Variants in MSI2 observed in about 807,000 individuals in gnomAD.
The protein encoded by MSI2 is musashi RNA binding protein 2.
A neutral mutation model predicts 45.6 loss-of-function variants in MSI2; 17 were observed. The observed-to-expected ratio is 0.37, with a 90% confidence interval of 0.26 to 0.56. The LOEUF (loss-of-function observed/expected upper bound fraction) is 0.56, where lower values mean the gene tolerates loss of function less well. Ranked by LOEUF, MSI2 falls within the 20% of genes least tolerant of loss-of-function variation. MSI2 has a pLI of 0.77. For missense variants in MSI2, 293 were observed against 444.2 expected (o/e 0.66, Z 3.06); for synonymous variants, 156 against 158.2 (o/e 0.99, Z 0.11).
intron 5 of MSI2, among the ~76,000 whole-genome samples, chr17:57,271,779 T>C (rs1021989803): frequency 6.7e-6 from 1 of 149,046 alleles, no homozygotes; most frequent in Non-Finnish European, 1.5e-5. Context: ...AGCTGACATA[T>C]TGTAAACGAC....
chr17:57,531,112 T>C (rs1251584888), intron 7 of MSI2, among the ~76,000 whole-genome samples: 3 of 152,080 alleles, frequency 2.0e-5, no homozygotes, highest in Non-Finnish European at 2.9e-5. Flanking sequence ...TGGTGGGCAA[T>C]TGAGGATTAT....
At chr17:57,502,628 T>G (rs1432284689) in intron 6 of MSI2, among the ~76,000 whole-genome samples, 4 of 127,444 alleles carry the variant, frequency 3.1e-5, no homozygotes, top group African/African-American at 1.1e-4. Flanking sequence ...TATATATATA[T>G]ATATATATAG....
chr17:57,616,262 GGTGTGTGTGTGTGCATGCATGTGT>G (rs1266590791), intron 9 of MSI2, 178 bp downstream of exon 9: 8 of 557,804 alleles, frequency 1.4e-5, no homozygotes, highest in Non-Finnish European at 2.6e-5. Flanking sequence ...ATTAAGTGTG[GGTGTGTGTGTGTGCATGCATGTGT>G]GTGTGTGTGT....
At chr17:57,644,064 C>T (rs1193766888) in intron 10 of MSI2, among the ~76,000 whole-genome samples, 2 of 152,236 alleles carry the variant, frequency 1.3e-5, no homozygotes, top group African/African-American at 4.8e-5. Flanking sequence ...CCCAGCACCC[C>T]CTTCCCCAAC....
intron 7 of MSI2, among the ~76,000 whole-genome samples, chr17:57,575,967 A>AGAAAAAAT (rs1459516741): frequency 2.0e-5 from 3 of 151,236 alleles, no homozygotes; most frequent in Non-Finnish European, 4.4e-5. Context: ...AAAAAAAAAA[A>AGAAAAAAT]AAAATTGGAA....
At chr17:57,374,982 C>A (rs1301128700) in intron 5 of MSI2, among the ~76,000 whole-genome samples, 4 of 152,160 alleles carry the variant, frequency 2.6e-5, no homozygotes, top group African/African-American at 9.7e-5. Context: ...CCTGAACATT[C>A]CCCATACAGA....
At chr17:57,429,735 TA>T (rs61548525) in intron 6 of MSI2, among the ~76,000 whole-genome samples, 7,086 of 147,456 alleles carry the variant, frequency 0.048, 472 homozygotes, top group African/African-American at 0.15. Context: ...ATTAGATAAT[TA>T]AAAAAAAAAA....
chr17:57,519,349 G>A (rs1395318567), intron 6 of MSI2, among the ~76,000 whole-genome samples: 2 of 152,116 alleles, frequency 1.3e-5, no homozygotes, highest in African/African-American at 4.8e-5. Flanking sequence ...TGTGTGGTAG[G>A]CGCTCACTGG....
At chr17:57,402,769 A>C (rs1802410422) in intron 6 of MSI2, among the ~76,000 whole-genome samples, 1 of 152,162 alleles carries the variant, frequency 6.6e-6, no homozygotes, top group South Asian at 2.1e-4. Flanking sequence ...TTGCATTCTG[A>C]GTGGCTCTGA....
Position 57,345,482 on chromosome 17 carries a change from A to G in MSI2, c.313-55897A>G, listed in dbSNP as rs192602441. ...GTATATTTTCTTATTTCCCCTTCTT[A>G]TATAAGAGGTAGTGTAGCATATACT... On this transcript the variant is annotated intron_variant, in intron 5 of 13. Transcript: ENST00000284073. 1.5e-3 allele frequency among the ~76,000 whole-genome samples: 234 copies of G among 152,184 alleles called. 3 individuals are homozygous for G. The highest frequency in any genetic ancestry group is 2.1e-3 in the East Asian group (11 of 5,180).
chr17:57,574,803 C>T (rs2087972915), intron 7 of MSI2, among the ~76,000 whole-genome samples: 1 of 151,130 alleles, frequency 6.6e-6, no homozygotes, highest in South Asian at 2.1e-4. Context: ...CCTTCAAAGA[C>T]ACAAATTCTG....
chr17:57,540,667 C>A (rs1405373336), intron 7 of MSI2, among the ~76,000 whole-genome samples: 3 of 152,162 alleles, frequency 2.0e-5, no homozygotes, highest in African/African-American at 4.8e-5. Flanking sequence ...GAGGCAGGGA[C>A]AGGGGCAGTG....
At chr17:57,542,344 C>G (rs1158408136) in intron 7 of MSI2, among the ~76,000 whole-genome samples, 1 of 152,176 alleles carries the variant, frequency 6.6e-6, no homozygotes, top group Non-Finnish European at 1.5e-5. Flanking sequence ...CACTGGCAAC[C>G]CAAGAGCTGC....
chr17:57,272,918 T>A (rs1215405766), intron 5 of MSI2, among the ~76,000 whole-genome samples: 1 of 152,224 alleles, frequency 6.6e-6, no homozygotes, highest in African/African-American at 2.4e-5. Context: ...CTCTATTTTT[T>A]AAATCCCTTT....
intron 6 of MSI2, chr17:57,440,658 T>C (rs2084783233): frequency 6.6e-6 from 1 of 152,274 alleles, no homozygotes; most frequent in Admixed American, 6.5e-5. Flanking sequence ...GCTCACATAC[T>C]CTGTGTACTG....
At chr17:57,666,891 G>A (rs1329594480) in intron 11 of MSI2, among the ~76,000 whole-genome samples, 1 of 152,220 alleles carries the variant, frequency 6.6e-6, no homozygotes, top group African/African-American at 2.4e-5. Context: ...GACAGAGGCA[G>A]TCAATGGATC....
At chr17:57,391,849 G>T (rs1333408098) in intron 5 of MSI2, among the ~76,000 whole-genome samples, 1 of 152,214 alleles carries the variant, frequency 6.6e-6, no homozygotes, top group African/African-American at 2.4e-5. Flanking sequence ...AAACAGTGAA[G>T]GTTTCTTACT....
At chr17:57,606,707 A>G (rs1048331597) in intron 8 of MSI2, among the ~76,000 whole-genome samples, 2 of 152,122 alleles carry the variant, frequency 1.3e-5, no homozygotes, top group Non-Finnish European at 2.9e-5. Context: ...TTTATGACCT[A>G]TTTTACTTTG....
intron 11 of MSI2, among the ~76,000 whole-genome samples, chr17:57,672,168 G>A (rs1002242096): frequency 2.0e-5 from 3 of 152,250 alleles, no homozygotes; most frequent in African/African-American, 7.2e-5. Flanking sequence ...GCACCGTGAT[G>A]AGCAAGTGCG....
Sources: allele counts gnomAD v4.1 joint callset (sites outside exome capture counted in the v4.1 genomes callset), GRCh38; gene constraint gnomAD v4.1.1; transcripts MANE v1.5; gene names NCBI Gene and HGNC (gene_info 2026-07-23, HGNC 2026-07-21).